The following SLC38A2 variants were observed in gnomAD, a reference collection of about 807,000 sequenced individuals.
The protein encoded by SLC38A2 is sodium-coupled neutral amino acid symporter 2.
SLC38A2 carries 11 observed loss-of-function variants against 61.5 expected under a neutral mutation model. That is an observed-to-expected ratio of 0.18 (90% confidence interval 0.11 to 0.30). The LOEUF (loss-of-function observed/expected upper bound fraction) is 0.30, where lower values mean the gene tolerates loss of function less well. SLC38A2 is among the 10% of genes least tolerant of loss of function. SLC38A2 has a pLI of 1.00. For synonymous variants in SLC38A2, 217 were observed against 212.5 expected (o/e 1.02, Z -0.18); for missense variants, 522 against 600.4 (o/e 0.87, Z 1.36).
At chr12:46,367,010 T>C (rs1943145665) in intron 6 of SLC38A2, 65 bp from the exon 7 acceptor site, 2 of 1,605,014 alleles carry the variant, frequency 1.2e-6, no homozygotes, top group Non-Finnish European at 1.7e-6. Flanking sequence ...AAAACGCATG[T>C]GTCACCATTC....
rs1943076715 is a variant in SLC38A2, at chr12:46,361,148, A to G, written c.1484T>C (p.Leu495Ser). The G allele has an allele frequency of 1.2e-6, 2 of 1,613,688 alleles. No homozygotes were observed. Among genetic ancestry groups the G allele is most frequent in the Non-Finnish European group, 1.7e-6 (2 of 1,179,712 alleles). The change falls in exon 16 of 16, where the codon TTG becomes TCG. Residue 495 changes from leucine (L) to serine (S), a missense_variant. Leu to Ser is a moderately radical substitution (Grantham distance 145, BLOSUM62 -2). Around this residue, in one of 3 missense-constraint regions of SLC38A2, gnomAD observed 309 missense variants for 343.9 expected, o/e 0.90. Transcript: ENST00000256689. ...TCCAGGTGCATTGTGTACCCAATCC[A>G]AAACAATCAAGGCCATGCTTCCGGT... ...VMTGSMALIV[L>S]DWVHNAPGGG...
rs938673512 is a variant in SLC38A2 at position 46,371,155 on chromosome 12, A to T, written c.116+23T>A. The T allele has an allele frequency of 5.6e-6, 9 of 1,610,112 alleles. No homozygotes were observed. The Admixed American group carries it at 1.5e-4, about 27-fold the overall frequency. Reference sequence around the variant, plus strand: ...CCCAACCCATGCAAGCCGTTTTTTCAAAAGTGTCACAACTTCTCCCACCTT... The same window carrying T: ...CCCAACCCATGCAAGCCGTTTTTTCTAAAGTGTCACAACTTCTCCCACCTT... On this transcript the variant is annotated intron_variant, in intron 2 of 15. Coordinates refer to ENST00000256689, the MANE Select transcript of SLC38A2 (RefSeq NM_018976.5).
chr12:46,362,750 TA>T (rs3830356), intron 13 of SLC38A2, 112 bp from the exon 14 acceptor site: 719,721 of 1,190,430 alleles, frequency 0.6, 219,541 homozygotes, highest in Middle Eastern at 0.62. Flanking sequence ...CTATCCAAAA[TA>T]GTAACTATTT....
chr12:46,365,090 G>C lies in SLC38A2; in HGVS notation c.646+17C>G, dbSNP rs1164556556. On this transcript the variant is annotated intron_variant, in intron 8 of 15. Coordinates refer to ENST00000256689, the MANE Select transcript of SLC38A2 (RefSeq NM_018976.5). ...GAGAGGCTCATTTCAATTCTCTTTA[G>C]AGATGAGTTTGCTCACCTAAATTTC... 1 of 1,603,418 alleles carries C rather than the reference G, an allele frequency of 6.2e-7. No individual in the cohort carries two copies.
chr12:46,366,998 C>T (rs1943145357), intron 6 of SLC38A2, 53 bp from the exon 7 acceptor site: 1 of 1,606,830 alleles, frequency 6.2e-7, no homozygotes, highest in East Asian at 2.2e-5. Flanking sequence ...GCACGTGACA[C>T]TAAAACGCAT....
At chr12:46,370,969 TCTTTA>T in intron 2 of SLC38A2, 112 bp from the exon 3 acceptor site, 1 of 881,586 alleles carries the variant, frequency 1.1e-6, no homozygotes, top group Non-Finnish European at 1.8e-6. Flanking sequence ...TGATACAACA[TCTTTA>T]CTTAATGTAT....
In SLC38A2 at chr12:46,360,579, G is replaced by C. The variant is rs1245148943; in HGVS notation, c.*532C>G. The C allele has an allele frequency of 1.3e-5, 2 of 152,188 alleles. No homozygotes were observed. The highest frequency in any genetic ancestry group is 4.8e-5 in the African/African-American group (2 of 41,364). 9.4% of individuals were successfully genotyped at this position (152,188 alleles called of 1,614,324 possible). ...TAAATACCAATGACATTATTTTATGGAATTTATTGATAACTGCTTCTGAAT... is the reference window on the plus strand; with the variant it reads ...TAAATACCAATGACATTATTTTATGCAATTTATTGATAACTGCTTCTGAAT... On this transcript the variant is annotated 3_prime_UTR_variant, in exon 16 of 16. Transcript: ENST00000256689.
Position 46,362,352 on chromosome 12 carries a change from T to C in SLC38A2, c.1354A>G (p.Ile452Val), listed in dbSNP as rs879887887. The change falls in exon 15 of 16, where the codon ATT becomes GTT. Residue 452 changes from isoleucine to valine, a missense_variant. Ile to Val is a conservative substitution (Grantham distance 29). This residue lies in a region of SLC38A2 where 309 missense variants were observed against 343.9 expected (regional missense o/e 0.90). Transcript: ENST00000256689. ...TTGATATAGAAGGCAGAAGGAAGAA[T>C]AAAAATCAACATAGAAGCTGCAGAT... ...GASAASMLIFILPSAFYIKLV... is the reference protein window; with the variant it reads ...GASAASMLIFVLPSAFYIKLV... The C allele has an allele frequency of 1.2e-6, 2 of 1,612,012 alleles. No homozygotes were observed. The highest frequency in any genetic ancestry group is 1.1e-5 in the South Asian group (1 of 90,766).
In SLC38A2 at chr12:46,359,588, T is replaced by C. The variant is rs758435768; in HGVS notation, c.*1523A>G. 2.6e-5 allele frequency: 4 copies of C among 152,652 alleles called. No individual in the cohort carries two copies. Among genetic ancestry groups the C allele is most frequent in the Non-Finnish European group, 5.9e-5 (4 of 68,030 alleles). 9.5% of individuals were successfully genotyped at this position (152,652 alleles called of 1,614,324 possible). ...TGCTTCCTTCAACCACTTAATGGAA[T>C]TATGTATATTAGATTTTAGACATTA... On this transcript the variant is annotated 3_prime_UTR_variant, in exon 16 of 16. Transcript: ENST00000256689.
intron 1 of SLC38A2, among the ~76,000 whole-genome samples, chr12:46,371,979 A>G (rs1321408533): frequency 6.6e-6 from 1 of 151,748 alleles, no homozygotes; most frequent in African/African-American, 2.4e-5. Context: ...AGTGCCCTCA[A>G]GCACACCCGT....
At chr12:46,372,391 G>A in intron 1 of SLC38A2, 118 bp downstream of exon 1, 1 of 284,306 alleles carries the variant, frequency 3.5e-6, no homozygotes, top group Admixed American at 5.3e-5. Context: ...GACAACGCCC[G>A]CCTCGAAAGG....
At position 46,361,093 on chromosome 12, in the gene SLC38A2, G is replaced by C. The variant is rs747023332; in HGVS notation, c.*18C>G. 7 of 1,599,504 alleles carry C rather than the reference G, an allele frequency of 4.4e-6. No homozygotes were observed. Among genetic ancestry groups the C allele is most frequent in the Non-Finnish European group, 5.1e-6 (6 of 1,168,018 alleles). On this transcript the variant is annotated 3_prime_UTR_variant, in exon 16 of 16. Transcript: ENST00000256689. ...CACTGGCATCAGATGGACTGAGTTT[G>C]AGTTTGAGTGGTGCCAATTAATGGC...
intron 14 of SLC38A2, 35 bp from the exon 15 acceptor site, chr12:46,362,416 A>G (rs750480015): frequency 3.1e-6 from 5 of 1,601,892 alleles, no homozygotes; most frequent in East Asian, 2.2e-5. Context: ...TGAGGATTCA[A>G]TGAACCACTC....
rs1044769079 is a variant in SLC38A2 at position 46,362,309 on chromosome 12, G to A, written c.1397C>T (p.Pro466Leu). 4 of 1,611,478 alleles carry A rather than the reference G, an allele frequency of 2.5e-6. No individual in the cohort carries two copies. The highest frequency in any genetic ancestry group is 3.4e-6 in the Non-Finnish European group (4 of 1,178,808). The change falls in exon 15 of 16, where the codon CCT (proline) becomes CTT (leucine). Residue 466 changes from proline (P) to leucine (L), a missense_variant. Transcript: ENST00000256689. ...CCCAATCTTTTGTACAGATTTCATA[G>A]GTTCTTTCTTCACCAACTTGATATA... ...AFYIKLVKKE[P>L]MKSVQKIGAL...
chr12:46,365,074 A>G, intron 8 of SLC38A2, 33 bp downstream of exon 8: 1 of 1,567,148 alleles, frequency 6.4e-7, no homozygotes. Flanking sequence ...TGAGAGGCTC[A>G]TTTCAATTCT....
intron 1 of SLC38A2, 130 bp from the exon 2 acceptor site, chr12:46,371,509 G>C: frequency 1.9e-6 from 1 of 520,568 alleles, no homozygotes; most frequent in Non-Finnish European, 3.4e-6. Flanking sequence ...CCGCGCGCGA[G>C]GGGCGGGGGC....
rs58672706 is a variant in SLC38A2 at position 46,363,249 on chromosome 12, C to T, written c.1055-104G>A. ...ACCAGTTATTTAGCTACTCACAAAA[C>T]GACTATAAACTAAGAGGCTAATAAG... On this transcript the variant is annotated intron_variant, in intron 12 of 15. Coordinates refer to ENST00000256689, the MANE Select transcript of SLC38A2 (RefSeq NM_018976.5). 1,829 of 1,250,648 alleles carry T rather than the reference C, an allele frequency of 1.5e-3. 20 individuals are homozygous for T. In the African/African-American group the frequency reaches 0.024, roughly 17 times the overall value. 77.5% of individuals were successfully genotyped at this position (1,250,648 alleles called of 1,614,324 possible).
At chr12:46,366,801 A>G in intron 7 of SLC38A2, 63 bp downstream of exon 7, 1 of 1,423,146 alleles carries the variant, frequency 7.0e-7, no homozygotes, top group Non-Finnish European at 9.6e-7. Flanking sequence ...AACTTTGATA[A>G]AAATGTATCT....
rs766448907 is a variant in SLC38A2 at position 46,362,414 on chromosome 12, C to A, written c.1325-33G>T. On this transcript the variant is annotated intron_variant, in intron 14 of 15. Transcript: ENST00000256689. ...ACAACATTTATGTTTCTTGAGGATT[C>A]AATGAACCACTCGTCATTCATTCTT... 71 of 1,599,860 alleles carry A rather than the reference C, an allele frequency of 4.4e-5. No homozygotes were observed. The East Asian group carries it at 1.6e-3, about 36-fold the overall frequency.
Sources: allele counts gnomAD v4.1 joint callset (sites outside exome capture counted in the v4.1 genomes callset), GRCh38; gene constraint gnomAD v4.1.1; regional missense constraint gnomAD v4.1.1; transcripts MANE v1.5; gene names NCBI Gene and HGNC (gene_info 2026-07-23, HGNC 2026-07-21).